PDZRN3: variants seen among roughly 807,000 people sequenced by gnomAD.
The protein encoded by PDZRN3 is PDZ domain containing ring finger 3, also known as E3 ubiquitin-protein ligase PDZRN3.
In PDZRN3, 38 loss-of-function variants were observed where a neutral mutation model predicts 85.7. The observed-to-expected ratio is 0.44, with a 90% CI of 0.34 to 0.58. PDZRN3 has a LOEUF of 0.58. Ranked by LOEUF, PDZRN3 falls within the 20% of genes least tolerant of loss-of-function variation. The pLI is 0.01. For missense variants in PDZRN3, 1,629 were observed against 1,506.4 expected (o/e 1.08, Z -1.35); for synonymous variants, 759 against 638.0 (o/e 1.19, Z -2.86).
intron 3 of PDZRN3, among the ~76,000 whole-genome samples, chr3:73,580,590 T>C (rs924150606): frequency 2.0e-5 from 3 of 152,192 alleles, no homozygotes; most frequent in Admixed American, 2.0e-4. Context: ...TTCCTACAGA[T>C]GGGAACTTGA....
chr3:73,470,508 G>C (rs1291193670), intron 3 of PDZRN3, among the ~76,000 whole-genome samples: 1 of 152,200 alleles, frequency 6.6e-6, no homozygotes, highest in Non-Finnish European at 1.5e-5. Flanking sequence ...AGGTCACTCA[G>C]CTAGTAAGAG....
intron 3 of PDZRN3, among the ~76,000 whole-genome samples, chr3:73,459,140 A>C (rs1327930310): frequency 6.6e-6 from 1 of 152,154 alleles, no homozygotes; most frequent in African/African-American, 2.4e-5. Context: ...GAGTGCCAGC[A>C]AGGGAAAATG....
intron 3 of PDZRN3, among the ~76,000 whole-genome samples, chr3:73,590,554 G>C (rs1188928725): frequency 6.6e-6 from 1 of 151,958 alleles, no homozygotes; most frequent in Non-Finnish European, 1.5e-5. Flanking sequence ...CAACAACTTT[G>C]GTACCATCAT....
chr3:73,537,253 G>A (rs1011170841), intron 3 of PDZRN3, among the ~76,000 whole-genome samples: 9 of 152,144 alleles, frequency 5.9e-5, no homozygotes, highest in South Asian at 2.1e-4. Flanking sequence ...TAGGGAAGGT[G>A]GGGCCACAGA....
At chr3:73,447,738 A>G (rs1383643398) in intron 3 of PDZRN3, among the ~76,000 whole-genome samples, 1 of 152,160 alleles carries the variant, frequency 6.6e-6, no homozygotes, top group East Asian at 1.9e-4. Flanking sequence ...TTACCGGCGG[A>G]ACTGAGATGT....
rs561061204 is a variant in PDZRN3 at position 73,528,231 on chromosome 3, C to T, written c.918+74123G>A. ...GCAGCTGGCTTTAAAAACCTTCCAA[C>T]GCCCAGTCCTGCTTTAACTGGTGTG... On this transcript the variant is annotated intron_variant, in intron 3 of 9. Transcript: ENST00000263666. Among the ~76,000 whole-genome samples, 12 of 152,294 alleles carry T rather than the reference C, an allele frequency of 7.9e-5. 1 individual carries two copies. In the South Asian group the frequency reaches 1.5e-3, roughly 18 times the overall value.
intron 3 of PDZRN3, among the ~76,000 whole-genome samples, chr3:73,590,752 T>C (rs1559750591): frequency 6.6e-6 from 1 of 152,190 alleles, no homozygotes; most frequent in Non-Finnish European, 1.5e-5. Context: ...CCCCCTCATA[T>C]GTTAATATTA....
intron 7 of PDZRN3, 136 bp from the exon 8 acceptor site, chr3:73,388,205 G>C: frequency 3.6e-6 from 2 of 554,490 alleles, no homozygotes; most frequent in Non-Finnish European, 6.3e-6. Flanking sequence ...CCGTGTAGCT[G>C]GAAAAGAATA....
In PDZRN3 at chr3:73,383,930, T is replaced by C. The variant is rs771892276; in HGVS notation, c.2636A>G (p.His879Arg). The change falls in exon 10 of 10, where the codon CAC becomes CGC. Residue 879 changes from histidine to arginine, a missense_variant. His to Arg is a conservative substitution (Grantham distance 29, BLOSUM62 0). Transcript: ENST00000263666. ...GATCAGCTGCATGTAGCTCTGGTAG[T>C]GCTGGGCGTGCGCCGGGATGTGCGC... ...KHAHIPAHAQ[H>R]YQSYMQLIQQ... The C allele has an allele frequency of 1.9e-6, 3 of 1,608,466 alleles. No individual in the cohort carries two copies. The highest frequency in any genetic ancestry group is 2.2e-5 in the East Asian group (1 of 44,800).
chr3:73,429,626 G>C (rs1702389372), intron 3 of PDZRN3, among the ~76,000 whole-genome samples: 1 of 152,168 alleles, frequency 6.6e-6, no homozygotes. Context: ...GATGTATAAA[G>C]GGTCACAAAT....
chr3:73,404,117 T>C (rs1665666655), intron 4 of PDZRN3, 31 bp downstream of exon 4: 1 of 1,590,100 alleles, frequency 6.3e-7, no homozygotes, highest in Admixed American at 1.8e-5. Context: ...TACTTCTTAA[T>C]GCATTAGGGG....
chr3:73,595,071 T>C (rs543861543), intron 3 of PDZRN3, among the ~76,000 whole-genome samples: 92 of 152,316 alleles, frequency 6.0e-4, no homozygotes, highest in Admixed American at 2.1e-3. Flanking sequence ...CAGAATTTTT[T>C]GACACCATAA....
intron 3 of PDZRN3, among the ~76,000 whole-genome samples, chr3:73,445,494 T>C (rs1702728874): frequency 6.6e-6 from 1 of 152,228 alleles, no homozygotes; most frequent in Non-Finnish European, 1.5e-5. Flanking sequence ...GGCTTCATAA[T>C]TCACTCGTAC....
intron 3 of PDZRN3, among the ~76,000 whole-genome samples, chr3:73,550,106 T>C (rs1049021468): frequency 6.6e-6 from 1 of 152,138 alleles, no homozygotes. Context: ...GGAAATCCTG[T>C]CTTTTTTCTT....
intron 3 of PDZRN3, among the ~76,000 whole-genome samples, chr3:73,489,842 G>A (rs993818103): frequency 1.3e-5 from 2 of 152,000 alleles, no homozygotes; most frequent in African/African-American, 4.8e-5. Flanking sequence ...AAAGTGCTGG[G>A]ATTCCAGGCG....
At chr3:73,540,200 T>C (rs1349585588) in intron 3 of PDZRN3, among the ~76,000 whole-genome samples, 1 of 151,858 alleles carries the variant, frequency 6.6e-6, no homozygotes, top group Non-Finnish European at 1.5e-5. Flanking sequence ...AAAAAGTCAG[T>C]ATTTCTCACT....
chr3:73,570,514 C>A (rs879707043), intron 3 of PDZRN3, among the ~76,000 whole-genome samples: 1 of 152,152 alleles, frequency 6.6e-6, no homozygotes, highest in Non-Finnish European at 1.5e-5. Flanking sequence ...GTAATAAATG[C>A]GGCATTAACC....
At chr3:73,403,835 C>G (rs1189866920) in intron 4 of PDZRN3, among the ~76,000 whole-genome samples, 2 of 152,184 alleles carry the variant, frequency 1.3e-5, no homozygotes, top group Non-Finnish European at 2.9e-5. Context: ...CTAGTAATAA[C>G]TGCAGGATCT....
intron 3 of PDZRN3, among the ~76,000 whole-genome samples, chr3:73,479,976 G>T (rs1197709784): frequency 6.8e-6 from 1 of 146,914 alleles, no homozygotes; most frequent in Non-Finnish European, 1.5e-5. Flanking sequence ...ACAGATACAG[G>T]CACCAGGTGT....
Sources: allele counts gnomAD v4.1 joint callset (sites outside exome capture counted in the v4.1 genomes callset), GRCh38; gene constraint gnomAD v4.1.1; transcripts MANE v1.5; gene names NCBI Gene and HGNC (gene_info 2026-07-23, HGNC 2026-07-21).